The following RABEP1 variants were observed in gnomAD, a reference collection of about 807,000 sequenced individuals.
RABEP1 encodes the protein rabaptin, RAB GTPase binding effector protein 1.
Under a neutral mutation model 123.4 loss-of-function variants are expected in RABEP1, and 51 were observed. The observed-to-expected ratio is 0.41, with a 90% CI of 0.33 to 0.52. The LOEUF is 0.52. RABEP1 is among the 20% of genes least tolerant of loss of function. RABEP1 has a pLI of 0.16. For synonymous variants in RABEP1, 347 were observed against 355.2 expected (o/e 0.98, Z 0.26); for missense variants, 888 against 996.3 (o/e 0.89, Z 1.46).
intron 2 of RABEP1, among the ~76,000 whole-genome samples, chr17:5,316,288 T>G (rs1278304018): frequency 1.3e-5 from 2 of 150,938 alleles, no homozygotes; most frequent in Non-Finnish European, 1.5e-5. Flanking sequence ...GTGTGTCTAC[T>G]AAAATACAAA....
Position 5,381,494 on chromosome 17 carries a change from C to T in RABEP1, c.2476C>T (p.Gln826Ter). Reference protein sequence around the residue: ...QVQRDFVKLSQTLQVQLERIR... With the variant: ...QVQRDFVKLS ...CCAGAGGGATTTTGTAAAGCTTTCA[C>T]AGACCCTTCAGGTGAGGCATTTGGG... Residue 826 changes from glutamine (Q) to a stop codon, truncating the protein, a stop_gained, in exon 17 of 18, where the codon CAG (glutamine) becomes TAG (stop). Coordinates refer to ENST00000537505, the MANE Select transcript of RABEP1 (RefSeq NM_004703.6). LOFTEE classifies it high-confidence loss of function. 1 of 1,613,246 alleles carries T rather than the reference C, an allele frequency of 6.2e-7. No homozygotes were observed. The highest frequency in any genetic ancestry group is 1.3e-5 in the African/African-American group (1 of 75,000).
chr17:5,294,850 G>A (rs186756845), intron 1 of RABEP1, among the ~76,000 whole-genome samples: 32 of 151,230 alleles, frequency 2.1e-4, no homozygotes, highest in African/African-American at 7.0e-4. Context: ...GTTTCATCAC[G>A]TTAGCCAGGG....
chr17:5,348,582 G>A (rs923256156), intron 6 of RABEP1, among the ~76,000 whole-genome samples: 2 of 151,414 alleles, frequency 1.3e-5, no homozygotes, highest in Non-Finnish European at 2.9e-5. Flanking sequence ...TTTGTTTTGA[G>A]ATAGTCTTGC....
rs1283932251 is a variant in RABEP1 at position 5,354,415 on chromosome 17, T to G, written c.1020T>G (p.Val340=). 1.2e-6 allele frequency: 2 copies of G among 1,613,188 alleles called. No individual in the cohort carries two copies. The highest frequency in any genetic ancestry group is 2.2e-5 in the South Asian group (2 of 90,982). The change falls in exon 8 of 18, where the codon GTT becomes GTG. Residue 340 remains valine, a synonymous_variant. Transcript: ENST00000537505. ...NKRKDHKKAD[V]EEEIKIPVVC... ...GAAAGGATCACAAAAAAGCAGATGT[T>G]GAGGAAGAAATAAAAATACCAGTAG...
chr17:5,303,703 G>A (rs1393944533), intron 1 of RABEP1, among the ~76,000 whole-genome samples: 3 of 152,122 alleles, frequency 2.0e-5, no homozygotes, highest in Non-Finnish European at 4.4e-5. Flanking sequence ...GGTTTTGGTC[G>A]TAGTAAATTT....
At chr17:5,355,214 A>G (rs1465833503) in intron 8 of RABEP1, among the ~76,000 whole-genome samples, 1 of 152,202 alleles carries the variant, frequency 6.6e-6, no homozygotes, top group Non-Finnish European at 1.5e-5. Context: ...CACTCTGACA[A>G]TTAAGGCCCT....
intron 12 of RABEP1, 107 bp from the exon 13 acceptor site, chr17:5,373,207 C>G (rs141609096): frequency 2.0e-6 from 2 of 1,016,522 alleles, no homozygotes; most frequent in Non-Finnish European, 2.8e-6. Flanking sequence ...CACCATACCC[C>G]GTCCATCCTC....
intron 8 of RABEP1, among the ~76,000 whole-genome samples, chr17:5,357,406 G>T (rs921538770): frequency 6.6e-6 from 1 of 151,068 alleles, no homozygotes. Context: ...CAGTCTTGCT[G>T]TCTCACCCTT....
chr17:5,293,325 A>C (rs116694599), intron 1 of RABEP1, among the ~76,000 whole-genome samples: 4,510 of 152,042 alleles, frequency 0.03, 76 homozygotes, highest in Middle Eastern at 0.066. Flanking sequence ...CTTTCTCTCT[A>C]TATATATCTC....
chr17:5,344,547 C>A, intron 5 of RABEP1, among the ~76,000 whole-genome samples: 1 of 151,462 alleles, frequency 6.6e-6, no homozygotes. Flanking sequence ...CCGAGGCGGG[C>A]GGATCACGAG....
At chr17:5,286,604 C>G (rs1168883445) in intron 1 of RABEP1, among the ~76,000 whole-genome samples, 1 of 152,180 alleles carries the variant, frequency 6.6e-6, no homozygotes, top group African/African-American at 2.4e-5. Flanking sequence ...CAGACCCAGT[C>G]CCTTTCCCAG....
At chr17:5,311,354 A>C (rs1278082531) in intron 2 of RABEP1, among the ~76,000 whole-genome samples, 1 of 152,142 alleles carries the variant, frequency 6.6e-6, no homozygotes, top group Non-Finnish European at 1.5e-5. Flanking sequence ...TATTATTAAA[A>C]TTTATTATAA....
intron 14 of RABEP1, 133 bp from the exon 15 acceptor site, chr17:5,378,044 T>A: frequency 1.5e-6 from 1 of 652,662 alleles, no homozygotes; most frequent in Middle Eastern, 4.4e-4. Flanking sequence ...TGGTGGTAAT[T>A]TTGAGACAGC....
At chr17:5,330,352 A>G (rs1906415206) in intron 2 of RABEP1, among the ~76,000 whole-genome samples, 1 of 152,242 alleles carries the variant, frequency 6.6e-6, no homozygotes, top group Admixed American at 6.5e-5. Context: ...ATGTTGAGAG[A>G]GTAAAGATTT....
At chr17:5,284,057 C>T (rs1281134058) in intron 1 of RABEP1, 5 of 152,208 alleles carry the variant, frequency 3.3e-5, no homozygotes, top group Admixed American at 2.0e-4. Context: ...GCTTGTGGTT[C>T]TGAACAGGAG....
chr17:5,299,973 C>A (rs2641260), intron 1 of RABEP1, among the ~76,000 whole-genome samples: 55,695 of 151,500 alleles, frequency 0.37, 12,474 homozygotes, highest in Non-Finnish European at 0.51. Context: ...CATGATCTGC[C>A]CACCTCGGCC....
At position 5,303,572 on chromosome 17, in the gene RABEP1, C is replaced by G. The variant is rs114080333; in HGVS notation, c.35-5122C>G. 2.8e-3 allele frequency among the ~76,000 whole-genome samples: 423 copies of G among 152,226 alleles called. 3 individuals carry two copies. Among genetic ancestry groups the G allele is most frequent in the African/African-American group, 9.9e-3 (410 of 41,534 alleles). On this transcript the variant is annotated intron_variant, in intron 1 of 17. Transcript: ENST00000537505. ...TTTTATTTTAAAATCCAGTGAGAAACAAGATAAGACATATGAGTTTTAGGA... is the reference window on the plus strand; with the variant it reads ...TTTTATTTTAAAATCCAGTGAGAAAGAAGATAAGACATATGAGTTTTAGGA...
chr17:5,367,558 C>A (rs780979639), intron 11 of RABEP1, among the ~76,000 whole-genome samples: 1 of 145,192 alleles, frequency 6.9e-6, no homozygotes, highest in Admixed American at 7.2e-5. Context: ...CGTGAGTCAC[C>A]GTGCCCAGCC....
Position 5,316,648 on chromosome 17 carries a change from C to T in RABEP1, c.163+7826C>T, listed in dbSNP as rs570535959. ...AGGAGTTCAAGATCAGCCTGGCCAT[C>T]GTGGTGAAACCCCGTATCTACTAGA... On this transcript the variant is annotated intron_variant, in intron 2 of 17. Transcript: ENST00000537505. 6.9e-4 allele frequency among the ~76,000 whole-genome samples: 104 copies of T among 151,004 alleles called. 3 individuals are homozygous for T. Among genetic ancestry groups the T allele is most frequent in the Admixed American group, 5.4e-3 (82 of 15,146 alleles).
Sources: allele counts gnomAD v4.1 joint callset (sites outside exome capture counted in the v4.1 genomes callset), GRCh38; gene constraint gnomAD v4.1.1; transcripts MANE v1.5; gene names NCBI Gene and HGNC (gene_info 2026-07-23, HGNC 2026-07-21).